Variants in C1orf198 observed in about 807,000 individuals in gnomAD.
The protein encoded by C1orf198 is uncharacterized protein C1orf198.
In C1orf198, 17 loss-of-function variants were observed where a neutral mutation model predicts 31.4. The ratio of observed to expected loss-of-function variants is 0.54; its 90% CI spans 0.37 to 0.81. The LOEUF (loss-of-function observed/expected upper bound fraction) is 0.81. Among genes scored for constraint, C1orf198 ranks in the 40% least tolerant of loss-of-function variants. The pLI is 0.00. For synonymous variants in C1orf198, 175 were observed against 193.8 expected (o/e 0.90, Z 0.81); for missense variants, 401 against 450.3 (o/e 0.89, Z 0.99).
At chr1:230,860,016 C>T (rs1196485646) in intron 1 of C1orf198, among the ~76,000 whole-genome samples, 4 of 152,232 alleles carry the variant, frequency 2.6e-5, no homozygotes, top group Non-Finnish European at 5.9e-5. Context: ...TGTGTTGGAG[C>T]AGGCCTGCAC....
Position 230,845,724 on chromosome 1 carries a change from TA to T in C1orf198, c.385-1829del, listed in dbSNP as rs768927419. On this transcript the variant is annotated intron_variant, in intron 2 of 3. Coordinates refer to ENST00000366663, the MANE Select transcript of C1orf198 (RefSeq NM_032800.3). ...AGAAAAGAACAAAGAAAATATACAT[TA>T]AAAATAAATAAATAAAAGTAATAAA... Among the ~76,000 whole-genome samples the T allele has an allele frequency of 5.9e-5, 9 of 151,954 alleles. No individual in the cohort carries two copies. The East Asian group carries it at 1.5e-3, about 26-fold the overall frequency.
In C1orf198 at chr1:230,839,796, A is replaced by G. The variant is rs1338616868; in HGVS notation, c.*56T>C. 3 of 1,517,430 alleles carry G rather than the reference A, an allele frequency of 2.0e-6. No individual in the cohort carries two copies. The highest frequency in any genetic ancestry group is 2.7e-6 in the Non-Finnish European group (3 of 1,102,570). The allele number at this position is 1,517,430 out of a possible 1,614,324, so 94.0% of individuals were successfully genotyped here. On this transcript the variant is annotated 3_prime_UTR_variant, in exon 4 of 4. Transcript: ENST00000366663. ...AAGGTGGCCCTTTTTATCCTCCTCC[A>G]CCACACCACTTTGGAAAACATTTTA...
chr1:230,868,596 GC>G (rs1670183624), upstream of C1orf198: 14 of 854,280 alleles, frequency 1.6e-5, no homozygotes, highest in Non-Finnish European at 1.6e-5. Flanking sequence ...CCGGAGCCCC[GC>G]CCCCTCCGGG....
At chr1:230,868,082 A>C in intron 1 of C1orf198, 98 bp downstream of exon 1, 19 of 1,196,466 alleles carry the variant, frequency 1.6e-5, no homozygotes, top group African/African-American at 3.2e-5. Context: ...TCCAGCCCCT[A>C]CCAGCTGGGG....
In C1orf198 at chr1:230,843,571, T is replaced by C. The variant is rs781506009; in HGVS notation, c.710A>G (p.Asp237Gly). 1 of 1,614,046 alleles carries C rather than the reference T, an allele frequency of 6.2e-7. No homozygotes were observed. The change falls in exon 3 of 4, where the codon GAC (aspartate) becomes GGC (glycine). Residue 237 changes from aspartate (D) to glycine (G), a missense_variant. Physicochemically the swap from Asp to Gly is moderately conservative, Grantham distance 94. Coordinates refer to ENST00000366663, the MANE Select transcript of C1orf198 (RefSeq NM_032800.3). This position sits in a 1 kb window ranked among gnomAD's most constrained non-coding sequence, Gnocchi z 4.9. ...GGGCCTTTCCACCTTGGCCTCCCTG[T>C]CCTTCGGGGCAGGTTCCTGCCGGTA... is the stretch of plus-strand genomic sequence containing the variant. ...PCYRQEPAPK[D>G]REAKVERPST... is the part of the protein sequence containing the mutation.
intron 2 of C1orf198, among the ~76,000 whole-genome samples, chr1:230,844,669 G>A (rs1217179723): frequency 1.3e-5 from 2 of 152,188 alleles, no homozygotes; most frequent in Non-Finnish European, 2.9e-5. Context: ...CTTCCTGGCA[G>A]GTGACGACCC....
At chr1:230,862,267 C>T (rs568016708) in intron 1 of C1orf198, among the ~76,000 whole-genome samples, 1 of 152,232 alleles carries the variant, frequency 6.6e-6, no homozygotes, top group Non-Finnish European at 1.5e-5. Context: ...AACTGAGGGC[C>T]TCCCAACCAC....
At chr1:230,845,508 C>A (rs967660663) in intron 2 of C1orf198, among the ~76,000 whole-genome samples, 1 of 152,076 alleles carries the variant, frequency 6.6e-6, no homozygotes, top group Non-Finnish European at 1.5e-5. Flanking sequence ...CATGGAGAAA[C>A]CCCCTCTCTA....
rs192224942 is a variant in C1orf198, at chr1:230,857,179, G to C, written c.334-1461C>G. ...CATGCCAGGGTCTGGGCAGCTGAAG[G>C]CCTATTCCCAAGAAGCGGGGACAGG... On this transcript the variant is annotated intron_variant, in intron 1 of 3. Coordinates refer to ENST00000366663, the MANE Select transcript of C1orf198 (RefSeq NM_032800.3). This position sits in a 1 kb window ranked among gnomAD's most constrained non-coding sequence, Gnocchi z 4.2. Among the ~76,000 whole-genome samples the C allele has an allele frequency of 6.8e-4, 104 of 152,232 alleles. No homozygotes were observed. Among genetic ancestry groups the C allele is most frequent in the African/African-American group, 2.3e-3 (97 of 41,532 alleles).
At chr1:230,865,658 T>C (rs1472518165) in intron 1 of C1orf198, among the ~76,000 whole-genome samples, 1 of 152,190 alleles carries the variant, frequency 6.6e-6, no homozygotes. Context: ...GGGATGAGGA[T>C]GAAAACACAC....
intron 1 of C1orf198, among the ~76,000 whole-genome samples, chr1:230,858,314 A>G (rs558334407): frequency 2.0e-5 from 3 of 152,334 alleles, no homozygotes; most frequent in South Asian, 2.1e-4. Flanking sequence ...TTGTTTTCAC[A>G]TGGGAAAAAT....
chr1:230,848,255 A>T (rs58118985), intron 2 of C1orf198, among the ~76,000 whole-genome samples: 2,225 of 152,328 alleles, frequency 0.015, 45 homozygotes, highest in African/African-American at 0.05. Context: ...GAACTTAACA[A>T]AGAAAAAAGT....
intron 2 of C1orf198, among the ~76,000 whole-genome samples, chr1:230,853,844 C>T (rs1339651483): frequency 3.3e-5 from 5 of 152,188 alleles, no homozygotes; most frequent in South Asian, 2.1e-4. Flanking sequence ...GACAATGAGC[C>T]TCTCAGCACA....
chr1:230,854,939 G>A lies in C1orf198; in HGVS notation c.384+729C>T, dbSNP rs183254084. On this transcript the variant is annotated intron_variant, in intron 2 of 3. Coordinates refer to ENST00000366663, the MANE Select transcript of C1orf198 (RefSeq NM_032800.3). ...CGAGCCCTATTCCAGGCTCACCACC[G>A]TCTCTGTCTGTAACACACTCTCATG... Among the ~76,000 whole-genome samples the A allele has an allele frequency of 1.2e-3, 181 of 152,222 alleles. 1 individual carries two copies. Among genetic ancestry groups the A allele is most frequent in the African/African-American group, 3.9e-3 (161 of 41,518 alleles).
At chr1:230,855,180 G>T (rs1221129885) in intron 2 of C1orf198, among the ~76,000 whole-genome samples, 1 of 152,208 alleles carries the variant, frequency 6.6e-6, no homozygotes, top group African/African-American at 2.4e-5. Flanking sequence ...TGATAATGAT[G>T]AGAAGAAGAA....
In C1orf198 at chr1:230,839,624, A is replaced by C. The variant is rs549473455; in HGVS notation, c.*228T>G. On this transcript the variant is annotated 3_prime_UTR_variant, in exon 4 of 4. Transcript: ENST00000366663. ...TCCTGAATTATTAACAGACCTTAAA[A>C]ATTCCAAATGGAAAACTTCTGTTAT... The C allele has an allele frequency of 9.6e-5, 44 of 459,570 alleles. 1 individual carries two copies. In the East Asian group the frequency reaches 1.1e-3, roughly 12 times the overall value. 28.5% of individuals were successfully genotyped at this position (459,570 alleles called of 1,614,324 possible). A position where few individuals can be genotyped will look rare whatever the true frequency, so the allele number is the denominator to read the frequency against.
intron 2 of C1orf198, among the ~76,000 whole-genome samples, chr1:230,847,102 C>CAAAAAAAAAAAA (rs71179741): frequency 1.6e-4 from 11 of 69,692 alleles, no homozygotes; most frequent in African/African-American, 9.6e-4. Flanking sequence ...GACTCCGTCT[C>CAAAAAAAAAAAA]AAAAAAAAAA....
chr1:230,837,147 G>T lies in C1orf198; in HGVS notation c.*2705C>A, dbSNP rs1292314037. 6.6e-6 allele frequency: 1 copy of T among 152,638 alleles called. No homozygotes were observed. Among genetic ancestry groups the T allele is most frequent in the Non-Finnish European group, 1.5e-5 (1 of 68,040 alleles). The allele number at this position is 152,638 out of a possible 1,614,324, so 9.5% of individuals were successfully genotyped here. ...CATTTTTTAAATGGCTTTATTAAAG[G>T]CTACAAGTATAAAATATGACTAAGT... On this transcript the variant is annotated 3_prime_UTR_variant, in exon 4 of 4. Transcript: ENST00000366663.
rs1166189054 is a variant in C1orf198, at chr1:230,857,279, G to A, written c.334-1561C>T. Among the ~76,000 whole-genome samples, 1 of 152,178 alleles carries A rather than the reference G, an allele frequency of 6.6e-6. No homozygotes were observed. Among genetic ancestry groups the A allele is most frequent in the East Asian group, 1.9e-4 (1 of 5,196 alleles). On this transcript the variant is annotated intron_variant, in intron 1 of 3. Transcript: ENST00000366663. The surrounding 1 kb of genome is among the most constrained non-coding windows in gnomAD (Gnocchi z 4.2). ...TAGATGACAGGGGCAACACAGCAGGGCCTTTGTCCGCTTCTCTATCCCAAG... is the reference window on the plus strand; with the variant it reads ...TAGATGACAGGGGCAACACAGCAGGACCTTTGTCCGCTTCTCTATCCCAAG...
Sources: gnomAD v4.1 joint callset for allele counts (sites outside exome capture counted in the v4.1 genomes callset) on GRCh38, gnomAD v4.1.1 for gene constraint, Gnocchi (gnomAD v3.1) non-coding constraint, MANE v1.5 for transcripts, NCBI Gene and HGNC (gene_info 2026-07-23, HGNC 2026-07-21) for gene names.